The following GLRA3 variants were observed in gnomAD, a reference collection of about 807,000 sequenced individuals.
GLRA3 encodes the protein glycine receptor alpha 3.
A neutral mutation model predicts 60.4 loss-of-function variants in GLRA3; 44 were observed. The ratio of observed to expected loss-of-function variants is 0.73; its 90% CI spans 0.57 to 0.94. The LOEUF is 0.94. GLRA3 is among the 40% of genes least tolerant of loss of function. The pLI is 0.00. For synonymous variants in GLRA3, 223 were observed against 192.9 expected, an observed-to-expected ratio of 1.16 and a Z score of -1.29; for missense variants, 508 against 564.6, an observed-to-expected ratio of 0.90 and a Z score of 1.02.
chr4:174,790,934 G>A (rs892647186), intron 1 of GLRA3, among the ~76,000 whole-genome samples: 2 of 150,594 alleles, frequency 1.3e-5, no homozygotes, highest in Admixed American at 6.6e-5. Flanking sequence ...AACCTGGGAG[G>A]TGGGGCTTGC....
chr4:174,682,888 A>G lies in GLRA3; in HGVS notation c.626T>C (p.Val209Ala). ...LIFEWQDEAP[V>A]QVAEGLTLPQ... is the part of the protein sequence containing the mutation. ...CAAAGTGAGTCCTTCTGCCACTTGT[A>G]CGGGTGCCTCATCTTGCCATTCAAA... The change falls in exon 6 of 10, where the codon GTA (valine) becomes GCA (alanine). Residue 209 changes from valine to alanine, a missense_variant. By Grantham distance (64) the Val-to-Ala change is moderately conservative (BLOSUM62 0). Transcript: ENST00000274093. 1 of 1,612,722 alleles carries G rather than the reference A, an allele frequency of 6.2e-7. No homozygotes were observed. Among genetic ancestry groups the G allele is most frequent in the Admixed American group, 1.7e-5 (1 of 60,010 alleles).
chr4:174,774,364 A>ATGTGTG (rs141440746), intron 2 of GLRA3, among the ~76,000 whole-genome samples: 2,371 of 150,682 alleles, frequency 0.016, 71 homozygotes, highest in African/African-American at 0.054. Flanking sequence ...GTGTGTGTGT[A>ATGTGTG]TGTGTGTGTG....
chr4:174,799,108 C>T (rs1000526710), intron 1 of GLRA3, among the ~76,000 whole-genome samples: 8 of 151,952 alleles, frequency 5.3e-5, no homozygotes, highest in Admixed American at 2.0e-4. Flanking sequence ...TTTAATTTTT[C>T]GCAGATAAAT....
In GLRA3 at chr4:174,720,918, T is replaced by A. The variant is rs548089413; in HGVS notation, c.492-5348A>T. Among the ~76,000 whole-genome samples, 10 of 152,164 alleles carry A rather than the reference T, an allele frequency of 6.6e-5. No homozygotes were observed. The East Asian group carries it at 1.9e-3, about 29-fold the overall frequency. ...GGTAGACAAATAGCTAAACAAAGGC[T>A]ACCTCTCTGACAAGCCAGAACTGGG... On this transcript the variant is annotated intron_variant, in intron 4 of 9. Transcript: ENST00000274093.
At chr4:174,724,910 A>G (rs1736265471) in intron 4 of GLRA3, among the ~76,000 whole-genome samples, 1 of 152,168 alleles carries the variant, frequency 6.6e-6, no homozygotes, top group Admixed American at 6.5e-5. Context: ...CCTGCATAAG[A>G]TATCACTATT....
intron 1 of GLRA3, among the ~76,000 whole-genome samples, chr4:174,813,093 C>T (rs1740334916): frequency 1.3e-5 from 2 of 152,272 alleles, no homozygotes; most frequent in African/African-American, 4.8e-5. Flanking sequence ...TAAGCCAACA[C>T]TGCCAACCTT....
At chr4:174,791,653 G>A (rs1739349784) in intron 1 of GLRA3, among the ~76,000 whole-genome samples, 1 of 152,042 alleles carries the variant, frequency 6.6e-6, no homozygotes, top group Non-Finnish European at 1.5e-5. Flanking sequence ...GCTTAAAATA[G>A]TTGATTTGAA....
intron 5 of GLRA3, among the ~76,000 whole-genome samples, chr4:174,706,208 C>G (rs1000903837): frequency 6.7e-6 from 1 of 148,360 alleles, no homozygotes; most frequent in Non-Finnish European, 1.5e-5. Context: ...CCAGCCTGGG[C>G]GAAAGGGCGA....
intron 3 of GLRA3, among the ~76,000 whole-genome samples, chr4:174,759,755 C>A (rs1208354323): frequency 2.0e-5 from 3 of 152,084 alleles, no homozygotes; most frequent in Non-Finnish European, 4.4e-5. Context: ...TTGAAACCGA[C>A]CCATTAAATT....
intron 1 of GLRA3, among the ~76,000 whole-genome samples, chr4:174,818,827 T>C (rs1401699055): frequency 2.6e-5 from 4 of 152,182 alleles, no homozygotes; most frequent in South Asian, 4.1e-4. Context: ...AGTCTCTTGG[T>C]ATCTTAATAG....
chr4:174,699,005 T>A (rs1427359645), intron 5 of GLRA3, among the ~76,000 whole-genome samples: 1 of 151,978 alleles, frequency 6.6e-6, no homozygotes, highest in Non-Finnish European at 1.5e-5. Flanking sequence ...ATTACTTTTT[T>A]TTTTTTTTTG....
intron 6 of GLRA3, among the ~76,000 whole-genome samples, chr4:174,681,976 A>C (rs1250720530): frequency 6.6e-6 from 1 of 152,218 alleles, no homozygotes; most frequent in Non-Finnish European, 1.5e-5. Context: ...GATAAGAGAG[A>C]CTAGGGACTT....
chr4:174,783,225 T>G (rs1201746761), intron 2 of GLRA3, among the ~76,000 whole-genome samples: 1 of 150,168 alleles, frequency 6.7e-6, no homozygotes. Flanking sequence ...GGGAAAGGAT[T>G]CCCTATTTAA....
intron 1 of GLRA3, among the ~76,000 whole-genome samples, chr4:174,791,364 A>G (rs1739339609): frequency 6.6e-6 from 1 of 152,066 alleles, no homozygotes; most frequent in South Asian, 2.1e-4. Context: ...ACCTACTCAC[A>G]CCTTGATTTT....
chr4:174,692,230 C>T (rs1404705554), intron 5 of GLRA3, among the ~76,000 whole-genome samples: 1 of 149,932 alleles, frequency 6.7e-6, no homozygotes, highest in African/African-American at 2.5e-5. Context: ...TGGGGGTCAG[C>T]CCCCGCCAGG....
intron 1 of GLRA3, among the ~76,000 whole-genome samples, chr4:174,812,639 C>T (rs1482742874): frequency 6.6e-6 from 1 of 152,106 alleles, no homozygotes; most frequent in African/African-American, 2.4e-5. Flanking sequence ...TTCAATTTCA[C>T]TCTACTGAAT....
intron 1 of GLRA3, among the ~76,000 whole-genome samples, chr4:174,795,145 TTAA>T (rs1455292060): frequency 6.6e-6 from 1 of 151,858 alleles, no homozygotes; most frequent in Non-Finnish European, 1.5e-5. Context: ...GTTTATGCAA[TTAA>T]TAATTAAATT....
At chr4:174,762,898 C>G (rs2111226736) in intron 3 of GLRA3, among the ~76,000 whole-genome samples, 1 of 152,230 alleles carries the variant, frequency 6.6e-6, no homozygotes, top group South Asian at 2.1e-4. Context: ...TTACCAACCA[C>G]CTCCCACCCC....
intron 2 of GLRA3, among the ~76,000 whole-genome samples, chr4:174,779,384 C>G (rs570556837): frequency 1.7e-4 from 26 of 152,178 alleles, no homozygotes; most frequent in African/African-American, 5.5e-4. Flanking sequence ...CAGAAAAACT[C>G]GAAACTCTAA....
Sources: gnomAD v4.1 joint callset for allele counts (sites outside exome capture counted in the v4.1 genomes callset) on GRCh38, gnomAD v4.1.1 for gene constraint, MANE v1.5 for transcripts, NCBI Gene and HGNC (gene_info 2026-07-23, HGNC 2026-07-21) for gene names.